Variants in ADCY10 observed in about 807,000 individuals in gnomAD.
The protein encoded by ADCY10 is adenylate cyclase type 10.
ADCY10 carries 156 observed loss-of-function variants against 183.3 expected under a neutral mutation model. The observed-to-expected ratio is 0.85, with a 90% CI of 0.75 to 0.97. The LOEUF is 0.97. ADCY10 is among the 50% of genes least tolerant of loss of function. ADCY10 has a pLI of 0.00. For missense variants in ADCY10, 1,745 were observed against 1,934.3 expected (o/e 0.90, Z 1.84); for synonymous variants, 645 against 670.0 (o/e 0.96, Z 0.58).
At chr1:167,900,587 C>T (rs1669339375) in intron 5 of ADCY10, among the ~76,000 whole-genome samples, 1 of 151,858 alleles carries the variant, frequency 6.6e-6, no homozygotes, top group South Asian at 2.1e-4. Context: ...GGCTGGAGTG[C>T]AATGGCGCCA....
chr1:167,857,128 G>A (rs761562761), intron 16 of ADCY10, among the ~76,000 whole-genome samples: 8 of 152,312 alleles, frequency 5.3e-5, no homozygotes, highest in Non-Finnish European at 8.8e-5. Context: ...ACATTTTAGC[G>A]TCAACCACTT....
intron 14 of ADCY10, among the ~76,000 whole-genome samples, chr1:167,865,427 A>T (rs1343431400): frequency 8.5e-5 from 13 of 152,226 alleles, no homozygotes; most frequent in Admixed American, 8.5e-4. Context: ...AAAATTATAA[A>T]AGGTTAAAAA....
chr1:167,824,898 C>G (rs1283816410), intron 26 of ADCY10, 43 bp from the exon 27 acceptor site: 2 of 1,552,810 alleles, frequency 1.3e-6, no homozygotes, highest in African/African-American at 2.7e-5. Context: ...GAACGCAAAG[C>G]AGAAAGCTCA....
intron 25 of ADCY10, 113 bp downstream of exon 25, chr1:167,832,874 C>A: frequency 8.9e-7 from 1 of 1,123,034 alleles, no homozygotes; most frequent in South Asian, 1.3e-5. Flanking sequence ...CAGAGCCAAA[C>A]AGGAGTCCTT....
Position 167,829,754 on chromosome 1 carries a change from G to T in ADCY10, c.3594-331C>A, listed in dbSNP as rs534109021. ...TTTGATTCTGATGACAATCCTGTAA[G>T]AAAAGAGTGGAATAACTGACTCCAT... On this transcript the variant is annotated intron_variant, in intron 25 of 32. Coordinates refer to ENST00000367851, the MANE Select transcript of ADCY10 (RefSeq NM_018417.6). Among the ~76,000 whole-genome samples the T allele has an allele frequency of 5.4e-4, 82 of 152,322 alleles. 2 individuals carry two copies. Among genetic ancestry groups the T allele is most frequent in the South Asian group, 5.2e-3 (25 of 4,828 alleles).
intron 1 of ADCY10, among the ~76,000 whole-genome samples, chr1:167,909,090 G>A (rs1476095509): frequency 6.6e-6 from 1 of 152,078 alleles, no homozygotes; most frequent in African/African-American, 2.4e-5. Flanking sequence ...TTCCCTGAAG[G>A]TAACCTTTCT....
chr1:167,825,541 A>G (rs988815805), intron 26 of ADCY10, among the ~76,000 whole-genome samples: 1 of 152,128 alleles, frequency 6.6e-6, no homozygotes, highest in Non-Finnish European at 1.5e-5. Context: ...CTACCTACTC[A>G]GGAGGCTGAG....
intron 21 of ADCY10, among the ~76,000 whole-genome samples, chr1:167,842,917 GC>G (rs1664758825): frequency 6.6e-6 from 1 of 152,182 alleles, no homozygotes; most frequent in African/African-American, 2.4e-5. Context: ...AAAAATGTTT[GC>G]CCCTGACTGG....
intron 30 of ADCY10, 130 bp from the exon 31 acceptor site, chr1:167,818,397 C>T (rs548660693): frequency 1.2e-5 from 10 of 825,898 alleles, no homozygotes; most frequent in Middle Eastern, 2.2e-4. Flanking sequence ...TCCTGCCTAC[C>T]CCTGCTTCAC....
In ADCY10 at chr1:167,824,494, C is replaced by A. The variant is rs748895833; in HGVS notation, c.4034G>T (p.Cys1345Phe). 6.2e-7 allele frequency: 1 copy of A among 1,614,172 alleles called. No individual in the cohort carries two copies. The highest frequency in any genetic ancestry group is 1.7e-4 in the Middle Eastern group (1 of 6,052). The change falls in exon 28 of 33, where the codon TGT (cysteine) becomes TTT (phenylalanine). Residue 1345 changes from cysteine to phenylalanine, a missense_variant. Cys to Phe is a radical substitution (Grantham distance 205). Coordinates refer to ENST00000367851, the MANE Select transcript of ADCY10 (RefSeq NM_018417.6). ...HYQSLCRLSR[C>F]LLLNSRYPQL... ...TAAATACCTGCTGTTCAGAAGGAGA[C>A]ATCTGCTAAGTCTGCAGAGGGACTG... is the stretch of plus-strand genomic sequence containing the variant.
At chr1:167,910,054 G>A (rs550902426) in intron 1 of ADCY10, among the ~76,000 whole-genome samples, 2 of 152,240 alleles carry the variant, frequency 1.3e-5, no homozygotes, top group Non-Finnish European at 2.9e-5. Context: ...GCCCTTAAAA[G>A]GGCCAGGAAC....
At chr1:167,819,292 C>G (rs1662728889) in intron 30 of ADCY10, among the ~76,000 whole-genome samples, 1 of 143,610 alleles carries the variant, frequency 7.0e-6, no homozygotes, top group South Asian at 2.2e-4. Flanking sequence ...CCCTTGTTGA[C>G]CAGGCTGGAG....
chr1:167,859,522 C>G (rs1666141040), intron 16 of ADCY10, among the ~76,000 whole-genome samples: 1 of 152,082 alleles, frequency 6.6e-6, no homozygotes, highest in South Asian at 2.1e-4. Flanking sequence ...GCATATGTAA[C>G]CACTTTGGTA....
At position 167,901,677 on chromosome 1, in the gene ADCY10, T is replaced by A; in HGVS notation, c.421A>T (p.Ile141Phe). ...AAATGCTTACCTATCTTGACTCGGA[T>A]GTCTAGGCCTTCTTCCCACTCCTGG... ...ETQEWEEGLD[I>F]RVKIGLAAGH... Residue 141 changes from isoleucine (I) to phenylalanine (F), a missense_variant, in exon 5 of 33, where the codon ATC (isoleucine) becomes TTC (phenylalanine). Physicochemically the swap from Ile to Phe is conservative, Grantham distance 21. Coordinates refer to ENST00000367851, the MANE Select transcript of ADCY10 (RefSeq NM_018417.6). 6.2e-7 allele frequency: 1 copy of A among 1,614,172 alleles called. No individual in the cohort carries two copies. Among genetic ancestry groups the A allele is most frequent in the South Asian group, 1.1e-5 (1 of 91,084 alleles).
intron 12 of ADCY10, among the ~76,000 whole-genome samples, chr1:167,877,625 A>G (rs1223583265): frequency 6.6e-6 from 1 of 152,200 alleles, no homozygotes; most frequent in Admixed American, 6.5e-5. Flanking sequence ...ACAAGTGAAA[A>G]CTGTAGGAAG....
intron 10 of ADCY10, 39 bp from the exon 11 acceptor site, chr1:167,880,230 A>C (rs1383869915): frequency 1.9e-6 from 3 of 1,555,672 alleles, no homozygotes; most frequent in East Asian, 2.2e-5. Context: ...GAAAGAAATA[A>C]AGATAATGAG....
intron 18 of ADCY10, 141 bp from the exon 19 acceptor site, chr1:167,848,630 CT>C (rs878959280): frequency 2.1e-4 from 202 of 973,280 alleles, no homozygotes; most frequent in East Asian, 7.8e-4. Context: ...TTCTGGAAAC[CT>C]TTTTTTTGTT....
At chr1:167,861,836 G>A (rs1303430423) in intron 14 of ADCY10, among the ~76,000 whole-genome samples, 1 of 152,180 alleles carries the variant, frequency 6.6e-6, no homozygotes, top group African/African-American at 2.4e-5. Flanking sequence ...ATTGGATCAT[G>A]AGGGCGGTTC....
intron 21 of ADCY10, among the ~76,000 whole-genome samples, chr1:167,843,040 G>A (rs752030340): frequency 1.3e-5 from 2 of 152,196 alleles, no homozygotes; most frequent in Non-Finnish European, 2.9e-5. Context: ...CTTCTGAACA[G>A]GTGAAAAATT....
Sources: allele counts gnomAD v4.1 joint callset (sites outside exome capture counted in the v4.1 genomes callset), GRCh38; gene constraint gnomAD v4.1.1; transcripts MANE v1.5; gene names NCBI Gene and HGNC (gene_info 2026-07-23, HGNC 2026-07-21).